BMPER: variants seen among roughly 807,000 people sequenced by gnomAD.
The protein encoded by BMPER is BMP-binding endothelial regulator protein.
In BMPER, 45 loss-of-function variants were observed where a neutral mutation model predicts 87.3. That is an observed-to-expected ratio of 0.52 (90% CI 0.41 to 0.66). BMPER has a LOEUF of 0.66. Ranked by LOEUF, BMPER falls within the 30% of genes least tolerant of loss-of-function variation. BMPER has a pLI of 0.00. For missense variants in BMPER, 784 were observed against 867.5 expected (o/e 0.90, Z 1.21); for synonymous variants, 326 against 316.2 (o/e 1.03, Z -0.33).
intron 6 of BMPER, among the ~76,000 whole-genome samples, chr7:33,992,150 G>C (rs1786240110): frequency 6.6e-6 from 1 of 151,060 alleles, no homozygotes; most frequent in Non-Finnish European, 1.5e-5. Flanking sequence ...GTGCAGAGCT[G>C]AGTTCAATTC....
At chr7:33,938,017 C>T (rs1320006303) in intron 3 of BMPER, among the ~76,000 whole-genome samples, 1 of 152,136 alleles carries the variant, frequency 6.6e-6, no homozygotes, top group Non-Finnish European at 1.5e-5. Context: ...TGTCCAGGTG[C>T]TGCCTGTGCT....
intron 14 of BMPER, 104 bp downstream of exon 14, chr7:34,143,464 T>G: frequency 6.5e-7 from 1 of 1,530,826 alleles, no homozygotes; most frequent in South Asian, 1.2e-5. Context: ...ACATGCCCCC[T>G]TGCCAGAGGA....
At chr7:34,129,594 G>GAGAA (rs1562761897) in intron 13 of BMPER, among the ~76,000 whole-genome samples, 83 of 112,598 alleles carry the variant, frequency 7.4e-4, no homozygotes, top group African/African-American at 3.1e-3. Flanking sequence ...GAGAGAGAGA[G>GAGAA]AGAGAGAGAG....
At chr7:34,018,038 A>G (rs545535585) in intron 6 of BMPER, among the ~76,000 whole-genome samples, 3 of 151,856 alleles carry the variant, frequency 2.0e-5, no homozygotes, top group Admixed American at 6.6e-5. Context: ...CATTACTTCA[A>G]TGTGGCCTAA....
intron 2 of BMPER, among the ~76,000 whole-genome samples, 183 bp from the exon 3 acceptor site, chr7:33,937,106 T>G (rs1290591639): frequency 6.6e-6 from 1 of 152,186 alleles, no homozygotes; most frequent in Non-Finnish European, 1.5e-5. Context: ...ATCTCCAAAG[T>G]CCTGTGTTCC....
At chr7:33,926,462 A>G (rs942599891) in intron 2 of BMPER, among the ~76,000 whole-genome samples, 3 of 152,250 alleles carry the variant, frequency 2.0e-5, no homozygotes, top group Non-Finnish European at 4.4e-5. Context: ...CCCTTCAGCA[A>G]CAAGTTTATG....
chr7:34,112,476 C>T lies in BMPER; in HGVS notation c.1745+26384C>T, dbSNP rs1301139586. Among the ~76,000 whole-genome samples, 4 of 118,596 alleles carry T rather than the reference C, an allele frequency of 3.4e-5. No individual in the cohort carries two copies. The Admixed American group carries it at 3.6e-4, about 11-fold the overall frequency. 77.8% of individuals were successfully genotyped at this position (118,596 alleles called of 152,430 possible). On this transcript the variant is annotated intron_variant, in intron 13 of 14. Coordinates refer to ENST00000649409, the MANE Select transcript of BMPER (RefSeq NM_001365308.1). ...CGCCACAGGACTCCAGCCTGGGCGA[C>T]GGAGCGAGACTCCGTCTCAGAAAAA...
At chr7:33,942,579 C>A (rs1267408804) in intron 3 of BMPER, among the ~76,000 whole-genome samples, 1 of 152,150 alleles carries the variant, frequency 6.6e-6, no homozygotes, top group African/African-American at 2.4e-5. Flanking sequence ...GCTTGAGGAC[C>A]ACAGCTATCA....
intron 13 of BMPER, among the ~76,000 whole-genome samples, chr7:34,126,961 T>C (rs929651203): frequency 5.3e-5 from 8 of 152,162 alleles, no homozygotes; most frequent in Non-Finnish European, 4.4e-5. Context: ...TACCTTACAA[T>C]GATAGCAATG....
intron 6 of BMPER, among the ~76,000 whole-genome samples, chr7:34,024,162 A>G (rs759501983): frequency 1.5e-4 from 22 of 150,848 alleles, no homozygotes; most frequent in Admixed American, 4.0e-4. Context: ...GTTCAATACC[A>G]GTCTGATCAA....
intron 6 of BMPER, among the ~76,000 whole-genome samples, chr7:33,990,684 G>C (rs1479569850): frequency 5.4e-5 from 8 of 147,138 alleles, no homozygotes; most frequent in Admixed American, 4.8e-4. Flanking sequence ...GGGCATCCCT[G>C]TCTTGTGCCA....
intron 14 of BMPER, among the ~76,000 whole-genome samples, chr7:34,149,450 A>G (rs1456607529): frequency 1.3e-5 from 2 of 152,204 alleles, no homozygotes; most frequent in Non-Finnish European, 2.9e-5. Flanking sequence ...CTGAATTAAG[A>G]TAAAACTGAT....
Position 34,078,879 on chromosome 7 carries a change from T to C in BMPER, c.1101T>C (p.Phe367=), listed in dbSNP as rs1472337709. The C allele has an allele frequency of 6.2e-7, 1 of 1,614,174 alleles. No individual in the cohort carries two copies. The highest frequency in any genetic ancestry group is 1.1e-5 in the South Asian group (1 of 91,082). The change falls in exon 12 of 15, where the codon TTT becomes TTC. Residue 367 remains phenylalanine, a synonymous_variant. Transcript: ENST00000649409. Reference sequence around the variant, plus strand: ...CAGAGCCCGGCGTTTGCACGGTGTTTGGAGATCCCCACTACAACACTTTTG... The same window carrying C: ...CAGAGCCCGGCGTTTGCACGGTGTTCGGAGATCCCCACTACAACACTTTTG... ...CTEKPGVCTV[F]GDPHYNTFDG...
intron 2 of BMPER, among the ~76,000 whole-genome samples, chr7:33,935,807 A>G (rs1784588236): frequency 6.6e-6 from 1 of 152,148 alleles, no homozygotes; most frequent in Non-Finnish European, 1.5e-5. Context: ...CACCACATTC[A>G]TTCCAGTGTT....
intron 2 of BMPER, among the ~76,000 whole-genome samples, chr7:33,910,905 T>C (rs954586927): frequency 2.0e-5 from 3 of 152,234 alleles, no homozygotes; most frequent in African/African-American, 7.2e-5. Context: ...GGCTGGAGAA[T>C]AGATATCTAT....
chr7:33,911,486 T>C lies in BMPER; in HGVS notation c.219+4583T>C, dbSNP rs182736336. On this transcript the variant is annotated intron_variant, in intron 2 of 14. Coordinates refer to ENST00000649409, the MANE Select transcript of BMPER (RefSeq NM_001365308.1). Reference sequence around the variant, plus strand: ...GTCCTTTCAACCTGCACAGAGCTAATGTAGGCTCTCTATGGAGGCAGTTAT... The same window carrying C: ...GTCCTTTCAACCTGCACAGAGCTAACGTAGGCTCTCTATGGAGGCAGTTAT... Among the ~76,000 whole-genome samples, 200 of 152,342 alleles carry C rather than the reference T, an allele frequency of 1.3e-3. 2 individuals are homozygous for C. The highest frequency in any genetic ancestry group is 4.7e-3 in the African/African-American group (194 of 41,586).
chr7:34,028,490 T>C (rs559563159), intron 6 of BMPER, among the ~76,000 whole-genome samples: 1 of 151,626 alleles, frequency 6.6e-6, no homozygotes, highest in African/African-American at 2.4e-5. Flanking sequence ...AGTAAAGGGA[T>C]CCTGAGATTA....
At chr7:34,008,574 T>C (rs1488064683) in intron 6 of BMPER, among the ~76,000 whole-genome samples, 1 of 152,024 alleles carries the variant, frequency 6.6e-6, no homozygotes, top group Non-Finnish European at 1.5e-5. Context: ...GTTTGGACTT[T>C]CCATATAAAT....
chr7:34,018,473 A>C (rs1196509847), intron 6 of BMPER, among the ~76,000 whole-genome samples: 4 of 151,962 alleles, frequency 2.6e-5, no homozygotes, highest in Non-Finnish European at 4.4e-5. Flanking sequence ...CATTTAGAAA[A>C]GCTGTGCATG....
Sources: allele counts gnomAD v4.1 joint callset (sites outside exome capture counted in the v4.1 genomes callset), GRCh38; gene constraint gnomAD v4.1.1; transcripts MANE v1.5; gene names NCBI Gene and HGNC (gene_info 2026-07-23, HGNC 2026-07-21).